CTTN: variants seen among roughly 807,000 people sequenced by gnomAD.
CTTN encodes cortactin, also known as src substrate cortactin.
A neutral mutation model predicts 84.0 loss-of-function variants in CTTN; 28 were observed. The ratio of observed to expected loss-of-function variants is 0.33; its 90% CI spans 0.25 to 0.46. CTTN has a LOEUF of 0.46. CTTN is among the 20% of genes least tolerant of loss of function. The pLI is 1.00. For missense variants in CTTN, 641 were observed against 723.8 expected (o/e 0.89, Z 1.31); for synonymous variants, 301 against 288.8 (o/e 1.04, Z -0.43).
intron 11 of CTTN, chr11:70,422,210 C>G (rs2058244859): frequency 8.7e-6 from 3 of 342,934 alleles, no homozygotes; most frequent in South Asian, 6.8e-5. Context: ...ATGTTGTTAC[C>G]TTCAAAATTT....
intron 4 of CTTN, among the ~76,000 whole-genome samples, chr11:70,409,333 A>T (rs894559287): frequency 6.6e-6 from 1 of 152,092 alleles, no homozygotes; most frequent in Non-Finnish European, 1.5e-5. Context: ...TGGCATTTAG[A>T]TGTTAAATTC....
intron 1 of CTTN, among the ~76,000 whole-genome samples, chr11:70,402,212 C>G (rs2057994185): frequency 6.6e-6 from 1 of 152,198 alleles, no homozygotes; most frequent in Non-Finnish European, 1.5e-5. Flanking sequence ...AGCAAGATTA[C>G]TTCACGTTTG....
intron 1 of CTTN, among the ~76,000 whole-genome samples, chr11:70,400,080 C>G (rs1472164789): frequency 6.6e-6 from 1 of 152,200 alleles, no homozygotes; most frequent in African/African-American, 2.4e-5. Context: ...TTAAGTGGGA[C>G]TCAATAAAAA....
intron 2 of CTTN, 43 bp downstream of exon 2, chr11:70,405,404 A>G (rs1214912024): frequency 6.6e-6 from 1 of 152,194 alleles, no homozygotes; most frequent in African/African-American, 2.4e-5. Context: ...TTTCCTGTGG[A>G]TGGTAAGGGC....
chr11:70,435,195 G>T lies in CTTN; in HGVS notation c.*33G>T. 6.3e-7 allele frequency: 1 copy of T among 1,582,190 alleles called. No homozygotes were observed. Among genetic ancestry groups the T allele is most frequent in the Non-Finnish European group, 8.6e-7 (1 of 1,168,324 alleles). ...AGCCCCCCCCCGGAGCTGCGCCCTG[G>T]ATCCTCACACTACAGATCAGGCCTT... On this transcript the variant is annotated 3_prime_UTR_variant, in exon 18 of 18. Transcript: ENST00000301843.
At chr11:70,425,986 T>G (rs1186029861) in intron 13 of CTTN, among the ~76,000 whole-genome samples, 1 of 152,208 alleles carries the variant, frequency 6.6e-6, no homozygotes, top group Admixed American at 6.5e-5. Flanking sequence ...GAGCCACCAC[T>G]GACTTCCTTC....
In CTTN at chr11:70,433,660, C is replaced by T. The variant is rs643301; in HGVS notation, c.1458C>T (p.Tyr486=). 0.21 allele frequency: 334,852 copies of T among 1,608,756 alleles called. 37,174 individuals carry two copies. Among genetic ancestry groups the T allele is most frequent in the South Asian group, 0.29 (25,915 of 90,920 alleles). Residue 486 remains tyrosine, a synonymous_variant, in exon 17 of 18, where the codon TAC becomes TAT. Coordinates refer to ENST00000301843, the MANE Select transcript of CTTN (RefSeq NM_005231.4). The stretch of plus-strand genomic sequence containing the variant: ...GCTTTCTTTTAGAGGACAGCACCTA[C>T]GATGAGTACGAGAACGATCTGGGGA... The part of the protein sequence containing the change: ...PGHYPAEDST[Y]DEYENDLGIT...
chr11:70,429,943 G>A (rs985059320), intron 14 of CTTN, among the ~76,000 whole-genome samples: 32 of 152,142 alleles, frequency 2.1e-4, no homozygotes, highest in Non-Finnish European at 4.0e-4. Flanking sequence ...TGGAAGCCTG[G>A]GCTTCTCCTA....
intron 5 of CTTN, 200 bp downstream of exon 5, chr11:70,410,160 C>A: frequency 1.9e-6 from 1 of 536,782 alleles, no homozygotes; most frequent in South Asian, 2.5e-5. Flanking sequence ...CTTTAGGAAT[C>A]CTCAGAGGTG....
rs1280881915 is a variant in CTTN at position 70,435,069 on chromosome 11, C to T, written c.1560C>T (p.Thr520=). 16 of 1,613,910 alleles carry T rather than the reference C, an allele frequency of 9.9e-6. No individual in the cohort carries two copies. The highest frequency in any genetic ancestry group is 2.2e-5 in the South Asian group (2 of 91,086). The part of the protein sequence containing the change: ...EISFDPDDII[T]NIEMIDDGWW... ...CATTTGACCCTGATGACATCATCAC[C>T]AACATCGAGATGATTGACGACGGCT... is the stretch of plus-strand genomic sequence containing the variant. The change falls in exon 18 of 18, where the codon ACC becomes ACT. Residue 520 remains threonine, a synonymous_variant. Transcript: ENST00000301843.
At chr11:70,412,366 T>C (rs1381132342) in intron 5 of CTTN, among the ~76,000 whole-genome samples, 1 of 152,136 alleles carries the variant, frequency 6.6e-6, no homozygotes, top group Non-Finnish European at 1.5e-5. Context: ...GAGACTGCAG[T>C]GTCCTGTGAT....
intron 4 of CTTN, among the ~76,000 whole-genome samples, chr11:70,409,509 C>G (rs1302269253): frequency 6.6e-6 from 1 of 152,176 alleles, no homozygotes; most frequent in Non-Finnish European, 1.5e-5. Context: ...GACTAGCTTT[C>G]CTATTTTCTG....
At position 70,419,785 on chromosome 11, in the gene CTTN, A is replaced by T. The variant is rs1487251869; in HGVS notation, c.608A>T (p.Lys203Met). Reference protein sequence around the residue: ...KGFGGKYGIDKDKVDKSAVGF... With the variant: ...KGFGGKYGIDMDKVDKSAVGF... ...TTCGGCGGCAAATACGGTATCGACAAGGACAAAGTGGATAAGAGCGCCGTT... is the reference window on the plus strand; with the variant it reads ...TTCGGCGGCAAATACGGTATCGACATGGACAAAGTGGATAAGAGCGCCGTT... The change falls in exon 9 of 18, where the codon AAG (lysine) becomes ATG (methionine). Residue 203 changes from lysine (K) to methionine (M), a missense_variant. Lys to Met is a moderately conservative substitution (Grantham distance 95). Around this residue, in one of 3 missense-constraint regions of CTTN, gnomAD observed 284 missense variants for 348.4 expected, o/e 0.82. Transcript: ENST00000301843. 6.2e-7 allele frequency: 1 copy of T among 1,612,182 alleles called. No homozygotes were observed. The highest frequency in any genetic ancestry group is 1.3e-5 in the African/African-American group (1 of 74,826).
chr11:70,430,162 G>C lies in CTTN; in HGVS notation c.1176+963G>C, dbSNP rs1255112496. 2.0e-5 allele frequency among the ~76,000 whole-genome samples: 3 copies of C among 152,194 alleles called. 1 individual carries two copies. In the South Asian group the frequency reaches 6.2e-4, roughly 31 times the overall value. On this transcript the variant is annotated intron_variant, in intron 14 of 17. Coordinates refer to ENST00000301843, the MANE Select transcript of CTTN (RefSeq NM_005231.4). Reference sequence around the variant, plus strand: ...GACAGCACTACCATTGTTCCCGTTAGAGCAAGGCCGCCTGCAGAGGGAGAG... The same window carrying C: ...GACAGCACTACCATTGTTCCCGTTACAGCAAGGCCGCCTGCAGAGGGAGAG...
chr11:70,409,707 A>AC (rs2058078691), intron 4 of CTTN, 124 bp from the exon 5 acceptor site: 1 of 1,096,448 alleles, frequency 9.1e-7, no homozygotes, highest in South Asian at 1.4e-5. Flanking sequence ...GAATCGGTGA[A>AC]CATCAGATAA....
At position 70,407,526 on chromosome 11, in the gene CTTN, G is replaced by C; in HGVS notation, c.96G>C (p.Val32=). Reference sequence around the variant, plus strand: ...GTCGCTTTTCTTTTCAGAATGATGTGAGTGAGAAGGAGCAAAGATGGGGTG... The same window carrying C: ...GTCGCTTTTCTTTTCAGAATGATGTCAGTGAGAAGGAGCAAAGATGGGGTG... The part of the protein sequence containing the change: ...WETDPDFVND[V]SEKEQRWGAK... The change falls in exon 4 of 18, where the codon GTG becomes GTC. Residue 32 remains valine, a synonymous_variant. Transcript: ENST00000301843. 6.2e-7 allele frequency: 1 copy of C among 1,613,338 alleles called. No homozygotes were observed. Among genetic ancestry groups the C allele is most frequent in the Non-Finnish European group, 8.5e-7 (1 of 1,179,608 alleles).
intron 8 of CTTN, among the ~76,000 whole-genome samples, chr11:70,419,330 A>G (rs12049839): frequency 0.19 from 29,004 of 151,608 alleles, 3,322 homozygotes; most frequent in Admixed American, 0.25. Flanking sequence ...GGCTGGACTT[A>G]AACCCCTGAC....
chr11:70,409,752 G>T, intron 4 of CTTN, 79 bp from the exon 5 acceptor site: 1 of 1,451,300 alleles, frequency 6.9e-7, no homozygotes, highest in Non-Finnish European at 9.6e-7. Flanking sequence ...AATGTCACCT[G>T]TTCTTATTTA....
chr11:70,431,600 C>T (rs1010674062), intron 15 of CTTN, among the ~76,000 whole-genome samples: 1 of 152,100 alleles, frequency 6.6e-6, no homozygotes, highest in Non-Finnish European at 1.5e-5. Flanking sequence ...GTCTTCACCC[C>T]ACTTGCTCTC....
Sources: allele counts gnomAD v4.1 joint callset (sites outside exome capture counted in the v4.1 genomes callset), GRCh38; gene constraint gnomAD v4.1.1; regional missense constraint gnomAD v4.1.1; transcripts MANE v1.5; gene names NCBI Gene and HGNC (gene_info 2026-07-23, HGNC 2026-07-21).